The following ZNF33B variants were observed in gnomAD, a reference collection of about 807,000 sequenced individuals.
ZNF33B encodes the protein zinc finger protein 11b (KOX 2).
In ZNF33B, 29 loss-of-function variants were observed where a neutral mutation model predicts 45.8. The observed-to-expected ratio is 0.63, with a 90% CI of 0.47 to 0.86. ZNF33B has a LOEUF of 0.86. Among genes scored for constraint, ZNF33B ranks in the 40% least tolerant of loss-of-function variants. ZNF33B has a pLI of 0.00. For missense variants in ZNF33B, 831 were observed against 909.9 expected, an observed-to-expected ratio of 0.91 and a Z score of 1.12; for synonymous variants, 305 against 307.8, an observed-to-expected ratio of 0.99 and a Z score of 0.10.
At chr10:42,620,965 A>T (rs1437597234) in intron 4 of ZNF33B, among the ~76,000 whole-genome samples, 1 of 152,156 alleles carries the variant, frequency 6.6e-6, no homozygotes, top group Non-Finnish European at 1.5e-5. Context: ...TGTACCAAGC[A>T]GCATCCTGAA....
At chr10:42,585,030 T>C (rs1261467040), downstream of ZNF33B, among the ~76,000 whole-genome samples, 4 of 152,164 alleles carry the variant, frequency 2.6e-5, no homozygotes, top group African/African-American at 9.7e-5. Context: ...CTCCTCACGA[T>C]GAAGTAGTAG....
intron 4 of ZNF33B, among the ~76,000 whole-genome samples, chr10:42,620,688 A>C (rs774458247): frequency 4.6e-5 from 7 of 151,966 alleles, no homozygotes; most frequent in Non-Finnish European, 7.4e-5. Flanking sequence ...TCAACCACCC[A>C]GCTTCAGAAT....
At chr10:42,619,666 T>C (rs1838486056) in intron 4 of ZNF33B, among the ~76,000 whole-genome samples, 1 of 152,190 alleles carries the variant, frequency 6.6e-6, no homozygotes, top group Admixed American at 6.5e-5. Context: ...GGATAAGAAC[T>C]AAATATAAAT....
At chr10:42,607,946 G>A (rs1158233511) in intron 4 of ZNF33B, among the ~76,000 whole-genome samples, 2 of 152,144 alleles carry the variant, frequency 1.3e-5, no homozygotes, top group Non-Finnish European at 2.9e-5. Context: ...AAGTGTGAAA[G>A]TCCAAACATG....
rs1391768287 is a variant in ZNF33B, at chr10:42,582,935, T to C, written c.74-8257A>G. On this transcript the variant is annotated intron_variant, in intron 1 of 1. Coordinates refer to the ZNF33B transcript ENST00000462075. ...CCAAATTTGTTGCAGAGAATGCTGA[T>C]GTCTCTTCCACAGCACGCCAGTGTT... is the stretch of plus-strand genomic sequence containing the variant. 1.5e-5 allele frequency: 8 copies of C among 532,350 alleles called. No individual in the cohort carries two copies. In the Middle Eastern group the frequency reaches 8.6e-4, roughly 57 times the overall value. The allele number at this position is 532,350 out of a possible 1,614,324, so 33.0% of individuals were successfully genotyped here.
At chr10:42,608,286 G>C (rs996540311) in intron 4 of ZNF33B, among the ~76,000 whole-genome samples, 13 of 152,080 alleles carry the variant, frequency 8.5e-5, no homozygotes, top group African/African-American at 3.1e-4. Flanking sequence ...TTCAATAATG[G>C]TTAGGACAAC....
intron 1 of ZNF33B, among the ~76,000 whole-genome samples, chr10:42,575,583 T>C (rs1359985397): frequency 1.3e-5 from 2 of 152,100 alleles, no homozygotes; most frequent in Non-Finnish European, 2.9e-5. Context: ...TGTATGCCCC[T>C]AATATTTCCA....
At chr10:42,608,543 T>TA (rs368346792) in intron 4 of ZNF33B, among the ~76,000 whole-genome samples, 2,581 of 150,270 alleles carry the variant, frequency 0.017, 79 homozygotes, top group African/African-American at 0.06. Context: ...ATTCCAAAGT[T>TA]AAAAAAAAAG....
chr10:42,574,331 C>T (rs943015113), exon 2 of ZNF33B: 3 of 152,022 alleles, frequency 2.0e-5, no homozygotes, highest in African/African-American at 7.2e-5. Context: ...GTATCTGCTC[C>T]CTGGGAGGAT....
rs1384217939 is a variant in ZNF33B at position 42,632,337 on chromosome 10, T to C, written c.112A>G (p.Arg38Gly). Residue 38 changes from arginine (R) to glycine (G), a missense_variant, in exon 3 of 5, where the codon AGA becomes GGA. Physicochemically the swap from Arg to Gly is moderately radical, Grantham distance 125. Coordinates refer to ENST00000359467, the MANE Select transcript of ZNF33B (RefSeq NM_006955.3). ...CTGTAGTTCTCCAGCATCACATCTC[T>C]ATACAGAGCCCTCTGACTAGGGTCC... ...HLDPSQRALY[R>G]DVMLENYSNL... The C allele has an allele frequency of 6.8e-6, 11 of 1,612,308 alleles. No individual in the cohort carries two copies. Among genetic ancestry groups the C allele is most frequent in the Non-Finnish European group, 3.4e-6 (4 of 1,179,444 alleles).
In ZNF33B at chr10:42,594,647, T is replaced by C. The variant is rs146961023; in HGVS notation, c.303A>G (p.Lys101=). The C allele has an allele frequency of 3.1e-5, 50 of 1,601,290 alleles. 1 individual carries two copies. The African/African-American group carries it at 6.1e-4, about 19-fold the overall frequency. ...TGATGAATACAACTTCCCACAAATG[T>C]TTAGATTGATTTTCTTGGCTCCTCT... The part of the protein sequence containing the change: ...LKERSQENQS[K]HLWEVVFINN... Residue 101 remains lysine (K), a synonymous_variant, in exon 5 of 5, where the codon AAA becomes AAG. Transcript: ENST00000359467.
At chr10:42,612,228 AG>A (rs775580316) in intron 4 of ZNF33B, among the ~76,000 whole-genome samples, 2,684 of 133,852 alleles carry the variant, frequency 0.02, 58 homozygotes, top group Admixed American at 0.089. Flanking sequence ...AGGTTACAGA[AG>A]TTGATTTTTT....
intron 4 of ZNF33B, among the ~76,000 whole-genome samples, chr10:42,625,545 G>C (rs114579516): frequency 3.3e-5 from 5 of 152,064 alleles, no homozygotes; most frequent in African/African-American, 4.8e-5. Flanking sequence ...AATGGTGTGA[G>C]CTCGGCTCAT....
At chr10:42,633,181 TG>T (rs1181471899) in intron 2 of ZNF33B, among the ~76,000 whole-genome samples, 1 of 152,230 alleles carries the variant, frequency 6.6e-6, no homozygotes, top group Non-Finnish European at 1.5e-5. Context: ...GTACATATTC[TG>T]GGTTCTAATC....
At chr10:42,610,200 G>A (rs1838043070) in intron 4 of ZNF33B, among the ~76,000 whole-genome samples, 1 of 152,152 alleles carries the variant, frequency 6.6e-6, no homozygotes, top group African/African-American at 2.4e-5. Context: ...ATGTTGTAGG[G>A]TGCAAGTTCA....
At chr10:42,602,573 G>C (rs1837673849) in intron 4 of ZNF33B, among the ~76,000 whole-genome samples, 1 of 152,088 alleles carries the variant, frequency 6.6e-6, no homozygotes, top group Non-Finnish European at 1.5e-5. Context: ...AAGTATTTTT[G>C]TGCTTTGTTC....
chr10:42,614,557 A>G (rs1838233619), intron 4 of ZNF33B, among the ~76,000 whole-genome samples: 1 of 152,234 alleles, frequency 6.6e-6, no homozygotes, highest in Non-Finnish European at 1.5e-5. Flanking sequence ...GGTTAATGGC[A>G]ATTCTCTCTA....
chr10:42,624,261 G>A (rs1338528363), intron 4 of ZNF33B, among the ~76,000 whole-genome samples: 2 of 152,172 alleles, frequency 1.3e-5, no homozygotes, highest in Non-Finnish European at 1.5e-5. Context: ...CTAGGGTTGA[G>A]GGCTCCAACA....
In ZNF33B at chr10:42,596,852, T is replaced by C. The variant is rs139482106; in HGVS notation, c.251-2153A>G. On this transcript the variant is annotated intron_variant, in intron 4 of 4. Coordinates refer to ENST00000359467, the MANE Select transcript of ZNF33B (RefSeq NM_006955.3). ...TCTTGGGAGACTCCATTAGATTTCC[T>C]ACGTAGATAATCATATCTTTTGTGA... 2.2e-4 allele frequency among the ~76,000 whole-genome samples: 34 copies of C among 152,164 alleles called. No individual in the cohort carries two copies. The East Asian group carries it at 6.4e-3, about 28-fold the overall frequency.
Sources: gnomAD v4.1 joint callset for allele counts (sites outside exome capture counted in the v4.1 genomes callset) on GRCh38, gnomAD v4.1.1 for gene constraint, MANE v1.5 for transcripts, NCBI Gene and HGNC (gene_info 2026-07-23, HGNC 2026-07-21) for gene names.